Variants in SPAG17 observed in about 807,000 individuals in gnomAD.
The protein encoded by SPAG17 is sperm-associated antigen 17.
SPAG17 carries 169 observed loss-of-function variants against 273.6 expected under a neutral mutation model. The ratio of observed to expected loss-of-function variants is 0.62; its 90% CI spans 0.55 to 0.70. The LOEUF (loss-of-function observed/expected upper bound fraction) is 0.70, where lower values mean the gene tolerates loss of function less well. SPAG17 is among the 30% of genes least tolerant of loss of function. The pLI is 0.00. For synonymous variants in SPAG17, 825 were observed against 873.2 expected (o/e 0.94, Z 0.97); for missense variants, 2,557 against 2,627.8 (o/e 0.97, Z 0.59).
At chr1:118,065,643 G>T (rs1026994562) in intron 18 of SPAG17, among the ~76,000 whole-genome samples, 2 of 151,916 alleles carry the variant, frequency 1.3e-5, no homozygotes, top group Non-Finnish European at 1.5e-5. Context: ...ACGCAAGTTT[G>T]GTTCAACACT....
intron 1 of SPAG17, among the ~76,000 whole-genome samples, chr1:118,172,188 T>G (rs1660447751): frequency 6.6e-6 from 1 of 152,320 alleles, no homozygotes; most frequent in Admixed American, 6.5e-5. Flanking sequence ...TAGTAGATGT[T>G]TCCAAATATT....
intron 42 of SPAG17, among the ~76,000 whole-genome samples, chr1:117,983,224 A>G (rs1656028247): frequency 6.6e-6 from 1 of 152,178 alleles, no homozygotes; most frequent in South Asian, 2.1e-4. Context: ...AGATCTCATG[A>G]AACTTATTCA....
chr1:118,076,155 T>C (rs548316565), intron 15 of SPAG17, among the ~76,000 whole-genome samples: 7 of 152,170 alleles, frequency 4.6e-5, no homozygotes, highest in South Asian at 4.1e-4. Flanking sequence ...TAGAGCCATA[T>C]AGAGAAATTA....
At chr1:117,988,012 T>C (rs1656629117) in intron 39 of SPAG17, 93 bp downstream of exon 39, 7 of 1,410,008 alleles carry the variant, frequency 5.0e-6, no homozygotes, top group Non-Finnish European at 5.8e-6. Context: ...AATTCATTGA[T>C]GTAGTCACCA....
At chr1:118,101,955 A>G in intron 4 of SPAG17, 29 bp from the exon 5 acceptor site, 1 of 1,579,726 alleles carries the variant, frequency 6.3e-7, no homozygotes, top group Non-Finnish European at 8.6e-7. Context: ...TTTTTCTCCA[A>G]ATCAAACAGT....
chr1:118,175,688 C>G (rs979643020), intron 1 of SPAG17, among the ~76,000 whole-genome samples: 1 of 151,422 alleles, frequency 6.6e-6, no homozygotes. Flanking sequence ...AGAGAATGCA[C>G]CATCACCAGA....
In SPAG17 at chr1:118,097,810, C is replaced by G; in HGVS notation, c.871G>C (p.Glu291Gln). ...AAGTACTTCCAGAAAGTTTTAAGCTCTTTTATGGCATTTTCTTTCTTCAAT... is the reference window on the plus strand; with the variant it reads ...AAGTACTTCCAGAAAGTTTTAAGCTGTTTTATGGCATTTTCTTTCTTCAAT... ...EKLKKENAIKELKTFWKYLEP... is the reference protein window; with the variant it reads ...EKLKKENAIKQLKTFWKYLEP... The change falls in exon 7 of 49, where the codon GAG becomes CAG. Residue 291 changes from glutamate to glutamine, a missense_variant. Transcript: ENST00000336338. The G allele has an allele frequency of 6.3e-7, 1 of 1,596,742 alleles. No homozygotes were observed. Among genetic ancestry groups the G allele is most frequent in the Non-Finnish European group, 8.5e-7 (1 of 1,174,732 alleles).
rs545370408 is a variant in SPAG17 at position 117,983,110 on chromosome 1, A to ACCTC, written c.5872+700_5872+701insGAGG. On this transcript the variant is annotated intron_variant, in intron 42 of 48. Coordinates refer to ENST00000336338, the MANE Select transcript of SPAG17 (RefSeq NM_206996.4). ...TTCCACATAGCTGGGGAGGCCTCAC[A>ACCTC]ATCATGGTGGAAGGCAAGGAGAAGC... is the stretch of plus-strand genomic sequence containing the variant. Among the ~76,000 whole-genome samples the ACCTC allele has an allele frequency of 2.8e-3, 423 of 152,340 alleles. 4 individuals are homozygous for ACCTC. Among genetic ancestry groups the ACCTC allele is most frequent in the African/African-American group, 9.7e-3 (405 of 41,580 alleles).
chr1:118,107,465 C>G (rs1570706310), intron 4 of SPAG17, among the ~76,000 whole-genome samples: 1 of 152,132 alleles, frequency 6.6e-6, no homozygotes, highest in East Asian at 1.9e-4. Context: ...ATATTTTAAA[C>G]TAATTTCCAT....
At chr1:118,154,867 A>G (rs1413995849) in intron 1 of SPAG17, among the ~76,000 whole-genome samples, 1 of 152,094 alleles carries the variant, frequency 6.6e-6, no homozygotes, top group African/African-American at 2.4e-5. Context: ...GTTTAAGTTT[A>G]AGATAGTTTA....
chr1:117,996,219 A>C (rs1381179552), intron 34 of SPAG17, 151 bp downstream of exon 34: 1 of 817,324 alleles, frequency 1.2e-6, no homozygotes, highest in Non-Finnish European at 1.9e-6. Context: ...TGACTTATTC[A>C]TGTCAACTTA....
intron 20 of SPAG17, among the ~76,000 whole-genome samples, chr1:118,043,644 T>C (rs953287032): frequency 6.6e-6 from 1 of 152,196 alleles, no homozygotes; most frequent in Non-Finnish European, 1.5e-5. Flanking sequence ...TCAGCTATTG[T>C]AGGGGTACTT....
At chr1:118,129,643 C>T (rs1657940888) in intron 3 of SPAG17, among the ~76,000 whole-genome samples, 1 of 152,076 alleles carries the variant, frequency 6.6e-6, no homozygotes. Flanking sequence ...CCTCCTCCCC[C>T]TGCCCATCCT....
chr1:118,022,289 T>G (rs1177845404), intron 28 of SPAG17, among the ~76,000 whole-genome samples: 2 of 152,182 alleles, frequency 1.3e-5, no homozygotes, highest in African/African-American at 4.8e-5. Flanking sequence ...GCTGATTTAA[T>G]ATTTGAAATA....
chr1:118,062,476 A>C (rs568273794), intron 18 of SPAG17, among the ~76,000 whole-genome samples: 57 of 152,074 alleles, frequency 3.7e-4, no homozygotes, highest in African/African-American at 1.2e-3. Flanking sequence ...AAACATATCA[A>C]CATTGTTATC....
At chr1:118,110,108 A>C (rs955080295) in intron 4 of SPAG17, among the ~76,000 whole-genome samples, 1 of 152,192 alleles carries the variant, frequency 6.6e-6, no homozygotes, top group Non-Finnish European at 1.5e-5. Flanking sequence ...TAAGAATATT[A>C]TCCAAAATAT....
At chr1:117,981,197 C>T (rs777696316) in intron 43 of SPAG17, 73 bp downstream of exon 43, 16 of 1,451,390 alleles carry the variant, frequency 1.1e-5, no homozygotes, top group Admixed American at 5.5e-5. Flanking sequence ...CGCCTCCTAG[C>T]GCCATCTCCC....
intron 3 of SPAG17, among the ~76,000 whole-genome samples, chr1:118,139,183 A>G (rs1426958574): frequency 1.3e-5 from 2 of 152,194 alleles, no homozygotes; most frequent in African/African-American, 4.8e-5. Context: ...AAAAGAAGAC[A>G]TGCAGATAGA....
intron 46 of SPAG17, among the ~76,000 whole-genome samples, chr1:117,967,011 G>A (rs548436974): frequency 3.3e-5 from 5 of 152,196 alleles, no homozygotes; most frequent in African/African-American, 1.2e-4. Context: ...AAAGCATAAG[G>A]AAGCTAAATG....
Sources: allele counts gnomAD v4.1 joint callset (sites outside exome capture counted in the v4.1 genomes callset), GRCh38; gene constraint gnomAD v4.1.1; transcripts MANE v1.5; gene names NCBI Gene and HGNC (gene_info 2026-07-23, HGNC 2026-07-21).